Variants in KDSR observed in about 807,000 individuals in gnomAD.
KDSR encodes the protein 3-dehydrosphinganine reductase.
In KDSR, 23 loss-of-function variants were observed where a neutral mutation model predicts 41.3. The ratio of observed to expected loss-of-function variants is 0.56; its 90% CI spans 0.40 to 0.79. The LOEUF (loss-of-function observed/expected upper bound fraction) is 0.79, where lower values mean the gene tolerates loss of function less well. Among genes scored for constraint, KDSR ranks in the 30% least tolerant of loss-of-function variants. The probability of loss-of-function intolerance (pLI) is 0.00; values close to 1 mark genes in which losing one functional copy is unlikely to be tolerated. For missense variants in KDSR, 351 were observed against 416.8 expected (o/e 0.84, Z 1.37); for synonymous variants, 138 against 151.7 (o/e 0.91, Z 0.66).
intron 9 of KDSR, among the ~76,000 whole-genome samples, chr18:63,332,310 A>G (rs1914027958): frequency 6.6e-6 from 1 of 152,212 alleles, no homozygotes; most frequent in Non-Finnish European, 1.5e-5. Flanking sequence ...GGTGAGAGAC[A>G]CAGTCCCTGC....
chr18:63,332,689 G>A (rs950599143), intron 9 of KDSR, among the ~76,000 whole-genome samples: 8 of 152,058 alleles, frequency 5.3e-5, no homozygotes, highest in Admixed American at 1.3e-4. Flanking sequence ...AAAATTATCC[G>A]CGTGTGGCGG....
chr18:63,339,712 C>A (rs1914288390), intron 7 of KDSR, among the ~76,000 whole-genome samples: 1 of 152,140 alleles, frequency 6.6e-6, no homozygotes, highest in Non-Finnish European at 1.5e-5. Flanking sequence ...GTGGGCAGGG[C>A]CTTTTTTGTA....
chr18:63,335,548 G>A (rs1437267242), intron 8 of KDSR, 190 bp from the exon 9 acceptor site: 1 of 545,224 alleles, frequency 1.8e-6, no homozygotes, highest in South Asian at 2.3e-5. Context: ...GTGAGTCCAC[G>A]GACCCCTGCG....
rs144669389 is a variant in KDSR, at chr18:63,362,787, G to A, written c.190C>T (p.Arg64Ter). The change falls in exon 2 of 10, where the codon CGA becomes TGA. Residue 64 changes from arginine (R) to a stop codon, truncating the protein, a stop_gained. Coordinates refer to ENST00000645214, the MANE Select transcript of KDSR (RefSeq NM_002035.4). LOFTEE classifies it high-confidence loss of function. ...GAACCTAGAAGCCTTACCTCATTTC[G>A]TGCAACCAGAGTTATAAAAGCTCCT... ...KQGAFITLVA[R>*]NEDKLLQAKK... 8 of 1,609,840 alleles carry A rather than the reference G, an allele frequency of 5.0e-6. No homozygotes were observed. The highest frequency in any genetic ancestry group is 4.0e-5 in the African/African-American group (3 of 74,828).
chr18:63,338,173 C>T (rs900494177), intron 8 of KDSR, among the ~76,000 whole-genome samples: 13 of 152,230 alleles, frequency 8.5e-5, no homozygotes, highest in Admixed American at 2.6e-4. Flanking sequence ...TGTGCTGACA[C>T]CTCTCATTCC....
At chr18:63,337,260 C>T (rs1039907145) in intron 8 of KDSR, among the ~76,000 whole-genome samples, 101 of 151,800 alleles carry the variant, frequency 6.7e-4, no homozygotes, top group African/African-American at 2.2e-3. Flanking sequence ...GGATTACAGG[C>T]GCATGTCACC....
intron 8 of KDSR, 83 bp from the exon 9 acceptor site, chr18:63,335,441 T>A (rs1477855434): frequency 1.1e-6 from 1 of 923,950 alleles, no homozygotes; most frequent in Non-Finnish European, 1.8e-6. Flanking sequence ...AACAGTGGAG[T>A]GTGCTCGTTC....
chr18:63,337,091 ACTTT>A (rs1236632673), intron 8 of KDSR, among the ~76,000 whole-genome samples: 8 of 24,716 alleles, frequency 3.2e-4, no homozygotes, highest in South Asian at 2.1e-3. Context: ...TATATATGTG[ACTTT>A]ATATATATAT....
chr18:63,355,624 A>AT (rs1914774480), intron 3 of KDSR, 61 bp from the exon 4 acceptor site: 7 of 1,478,846 alleles, frequency 4.7e-6, no homozygotes, highest in Non-Finnish European at 4.5e-6. Context: ...TCTTAAAGAT[A>AT]TTTTTTAAAG....
intron 2 of KDSR, among the ~76,000 whole-genome samples, chr18:63,360,893 G>A (rs1262802922): frequency 7.4e-5 from 10 of 135,338 alleles, no homozygotes; most frequent in Admixed American, 5.9e-4. Flanking sequence ...AGTGGCTCAC[G>A]CCTGTAAGCC....
intron 6 of KDSR, chr18:63,345,214 C>T (rs1234696474): frequency 6.6e-6 from 1 of 152,378 alleles, no homozygotes; most frequent in African/African-American, 2.4e-5. Context: ...AGGGAAAGCC[C>T]TCTGCCTTAT....
At chr18:63,363,784 C>G (rs1236318186) in intron 1 of KDSR, among the ~76,000 whole-genome samples, 3 of 152,186 alleles carry the variant, frequency 2.0e-5, no homozygotes, top group Non-Finnish European at 4.4e-5. Flanking sequence ...AAGTAAAGCT[C>G]TTCTTGCACT....
chr18:63,334,000 G>T (rs921248601), intron 9 of KDSR, among the ~76,000 whole-genome samples: 22 of 152,106 alleles, frequency 1.4e-4, no homozygotes, highest in Non-Finnish European at 2.8e-4. Context: ...AAACATAAAA[G>T]AATTCATGCA....
chr18:63,349,619 G>A (rs925106300), intron 6 of KDSR, among the ~76,000 whole-genome samples: 12 of 152,228 alleles, frequency 7.9e-5, no homozygotes, highest in Middle Eastern at 3.2e-3. Context: ...CAGTCCCTAC[G>A]CGGCACATCA....
intron 1 of KDSR, chr18:63,366,757 C>T: frequency 2.7e-6 from 1 of 370,390 alleles, no homozygotes; most frequent in Non-Finnish European, 4.8e-6. Context: ...GGGAACCCTG[C>T]GGCCGGCGGG....
At chr18:63,353,821 C>G (rs1914723999) in intron 5 of KDSR, among the ~76,000 whole-genome samples, 1 of 151,520 alleles carries the variant, frequency 6.6e-6, no homozygotes, top group South Asian at 2.1e-4. Flanking sequence ...TGGGGGTGAG[C>G]AGGGATGGGG....
Position 63,328,683 on chromosome 18 carries a change from AT to A in KDSR, c.*3098del. 5.8e-6 allele frequency: 1 copy of A among 173,894 alleles called. No individual in the cohort carries two copies. The highest frequency in any genetic ancestry group is 2.4e-5 in the African/African-American group (1 of 42,276). 10.8% of individuals were successfully genotyped at this position (173,894 alleles called of 1,614,324 possible). On this transcript the variant is annotated 3_prime_UTR_variant, in exon 10 of 10. Transcript: ENST00000645214. ...CCCAGAGAAAGATTTATAACTAAAT[AT>A]ATAGAAAAGAATAATTCCCATGATT... is the stretch of plus-strand genomic sequence containing the variant.
At chr18:63,352,298 A>C (rs1914679720) in intron 5 of KDSR, among the ~76,000 whole-genome samples, 1 of 152,066 alleles carries the variant, frequency 6.6e-6, no homozygotes. Flanking sequence ...AGAGAATATT[A>C]GATTTTTTTA....
chr18:63,341,839 T>C (rs1056668507), intron 7 of KDSR, among the ~76,000 whole-genome samples: 2 of 152,182 alleles, frequency 1.3e-5, no homozygotes, highest in Non-Finnish European at 2.9e-5. Flanking sequence ...GAGGAAACAT[T>C]ATTTCCAAAC....
Sources: allele counts gnomAD v4.1 joint callset (sites outside exome capture counted in the v4.1 genomes callset), GRCh38; gene constraint gnomAD v4.1.1; transcripts MANE v1.5; gene names NCBI Gene and HGNC (gene_info 2026-07-23, HGNC 2026-07-21).